The following AQP9 variants were observed in gnomAD, a reference collection of about 807,000 sequenced individuals.
The protein encoded by AQP9 is aquaporin 9.
AQP9 carries 19 observed loss-of-function variants against 23.8 expected under a neutral mutation model. The observed-to-expected ratio is 0.80, with a 90% CI of 0.56 to 1.17. The LOEUF (loss-of-function observed/expected upper bound fraction) is 1.17, where lower values mean the gene tolerates loss of function less well. Ranked by LOEUF, AQP9 falls within the 50% of genes most tolerant of loss-of-function variation. The probability of loss-of-function intolerance (pLI) is 0.00; values close to 1 mark genes in which losing one functional copy is unlikely to be tolerated. For synonymous variants in AQP9, 153 were observed against 131.5 expected, an observed-to-expected ratio of 1.16 and a Z score of -1.12; for missense variants, 413 against 362.0, an observed-to-expected ratio of 1.14 and a Z score of -1.14.
intron 3 of AQP9, among the ~76,000 whole-genome samples, chr15:58,173,445 C>A (rs1411120092): frequency 2.6e-5 from 4 of 152,164 alleles, no homozygotes; most frequent in Admixed American, 1.3e-4. Context: ...GTCTTTGTGC[C>A]AAGCCAGCAC....
chr15:58,176,612 T>A (rs939032285), intron 4 of AQP9, among the ~76,000 whole-genome samples: 4 of 123,924 alleles, frequency 3.2e-5, no homozygotes, highest in African/African-American at 1.1e-4. Context: ...TGTTTTTCTC[T>A]AAGCTTTTTT....
chr15:58,179,117 T>C lies in AQP9; in HGVS notation c.496-11T>C. On this transcript the variant is annotated splice_polypyrimidine_tract_variant and intron_variant, in intron 4 of 5. Coordinates refer to ENST00000219919, the MANE Select transcript of AQP9 (RefSeq NM_020980.5). Reference sequence around the variant, plus strand: ...CAGGCTAAAGCCCTGGCTCAACTTCTCCCTCTCCAGGTGGTGGCCACCATG... The same window carrying C: ...CAGGCTAAAGCCCTGGCTCAACTTCCCCCTCTCCAGGTGGTGGCCACCATG... The C allele has an allele frequency of 6.3e-7, 1 of 1,588,804 alleles. No homozygotes were observed. The highest frequency in any genetic ancestry group is 8.6e-7 in the Non-Finnish European group (1 of 1,156,818).
At chr15:58,156,775 A>C (rs1211078758) in intron 1 of AQP9, among the ~76,000 whole-genome samples, 2 of 152,180 alleles carry the variant, frequency 1.3e-5, no homozygotes, top group Admixed American at 6.5e-5. Flanking sequence ...TTTATCATAG[A>C]CAGGGAACAA....
chr15:58,144,939 G>A (rs549832726), intron 1 of AQP9, among the ~76,000 whole-genome samples: 10 of 149,566 alleles, frequency 6.7e-5, no homozygotes, highest in Middle Eastern at 3.5e-3. Flanking sequence ...GCTTCAACCC[G>A]GAAGGTGGAG....
intron 1 of AQP9, among the ~76,000 whole-genome samples, chr15:58,163,786 G>T (rs1898439489): frequency 6.6e-6 from 1 of 152,012 alleles, no homozygotes; most frequent in African/African-American, 2.4e-5. Context: ...TCTCATTTTT[G>T]GAGGAAAAAA....
At chr15:58,146,423 C>G (rs1361482212) in intron 1 of AQP9, among the ~76,000 whole-genome samples, 3 of 151,946 alleles carry the variant, frequency 2.0e-5, no homozygotes, top group Admixed American at 1.3e-4. Flanking sequence ...GTTTCACTAT[C>G]TTTTCATTTC....
intron 1 of AQP9, among the ~76,000 whole-genome samples, chr15:58,159,179 G>C (rs1595734559): frequency 6.6e-6 from 1 of 152,228 alleles, no homozygotes; most frequent in East Asian, 1.9e-4. Context: ...GCTTGTCACA[G>C]GGGTCATGGC....
At chr15:58,164,902 C>G (rs1313862711) in intron 1 of AQP9, among the ~76,000 whole-genome samples, 3 of 152,122 alleles carry the variant, frequency 2.0e-5, no homozygotes, top group Non-Finnish European at 4.4e-5. Flanking sequence ...TGCAACCTTT[C>G]ATATTTTAGT....
At chr15:58,160,526 A>G (rs1210411827) in intron 1 of AQP9, among the ~76,000 whole-genome samples, 1 of 152,132 alleles carries the variant, frequency 6.6e-6, no homozygotes, top group East Asian at 1.9e-4. Flanking sequence ...AATATCTTTC[A>G]TCAAATATTA....
intron 1 of AQP9, among the ~76,000 whole-genome samples, chr15:58,141,774 T>G (rs1897956709): frequency 6.6e-6 from 1 of 152,232 alleles, no homozygotes. Flanking sequence ...ACATGCTGGT[T>G]ATAGACACTC....
At chr15:58,166,247 T>C (rs1253004368) in intron 1 of AQP9, among the ~76,000 whole-genome samples, 3 of 152,218 alleles carry the variant, frequency 2.0e-5, no homozygotes. Context: ...CTGTGCTCGA[T>C]TATTTCCCTG....
At chr15:58,167,641 AG>A (rs1380156098) in intron 2 of AQP9, among the ~76,000 whole-genome samples, 1 of 152,230 alleles carries the variant, frequency 6.6e-6, no homozygotes, top group Admixed American at 6.5e-5. Context: ...CTGGTAAAGA[AG>A]AAGAGCTGAG....
chr15:58,169,567 C>T (rs2140621378), intron 2 of AQP9, among the ~76,000 whole-genome samples: 1 of 152,278 alleles, frequency 6.6e-6, no homozygotes, highest in South Asian at 2.1e-4. Context: ...CACATACTGG[C>T]TTGTAAGGTC....
At chr15:58,182,296 C>A (rs780437229) in intron 5 of AQP9, among the ~76,000 whole-genome samples, 29 of 152,158 alleles carry the variant, frequency 1.9e-4, no homozygotes, top group Non-Finnish European at 3.7e-4. Flanking sequence ...AGTTAACATA[C>A]ACATGTTCCT....
intron 1 of AQP9, among the ~76,000 whole-genome samples, chr15:58,146,338 AATCT>A (rs1421776612): frequency 2.6e-5 from 4 of 152,006 alleles, no homozygotes; most frequent in East Asian, 1.9e-4. Context: ...TGCTGTTTCA[AATCT>A]ATCTTTCAGT....
intron 5 of AQP9, among the ~76,000 whole-genome samples, chr15:58,183,077 T>C (rs548043632): frequency 2.3e-4 from 35 of 152,340 alleles, no homozygotes; most frequent in African/African-American, 8.2e-4. Flanking sequence ...CCTTCTAGAA[T>C]CCAACTAGAA....
Position 58,173,118 on chromosome 15 carries a change from A to G in AQP9, c.289A>G (p.Met97Val). ...TTTAGCAATGTGTCTCTTTGGACGG[A>G]TGAAATGGTTCAAATTGCCATTTTA... The part of the protein sequence containing the change: ...VSLAMCLFGR[M>V]KWFKLPFYVG... Residue 97 changes from methionine (M) to valine (V), a missense_variant, in exon 3 of 6, where the codon ATG becomes GTG. Coordinates refer to ENST00000219919, the MANE Select transcript of AQP9 (RefSeq NM_020980.5). 6.2e-7 allele frequency: 1 copy of G among 1,613,976 alleles called. No individual in the cohort carries two copies.
chr15:58,146,563 G>C (rs558704807), intron 1 of AQP9, among the ~76,000 whole-genome samples: 1 of 151,948 alleles, frequency 6.6e-6, no homozygotes, highest in Non-Finnish European at 1.5e-5. Context: ...CTCGAGTTGC[G>C]GGGGAGTGAA....
rs1027229138 is a variant in AQP9, at chr15:58,184,069, C to T, written c.822C>T (p.Asp274=). 1 of 1,614,120 alleles carries T rather than the reference C, an allele frequency of 6.2e-7. No homozygotes were observed. The change falls in exon 6 of 6, where the codon GAC becomes GAT. Residue 274 remains aspartate, a synonymous_variant. Coordinates refer to ENST00000219919, the MANE Select transcript of AQP9 (RefSeq NM_020980.5). The part of the protein sequence containing the change: ...LVIEIHHPEP[D]SVFKTEQSED... ...TTGAAATCCACCATCCAGAGCCTGA[C>T]TCAGTCTTTAAGACAGAACAATCTG...
Sources: gnomAD v4.1 joint callset for allele counts (sites outside exome capture counted in the v4.1 genomes callset) on GRCh38, gnomAD v4.1.1 for gene constraint, MANE v1.5 for transcripts, NCBI Gene and HGNC (gene_info 2026-07-23, HGNC 2026-07-21) for gene names.